Variants in DCC observed in about 807,000 individuals in gnomAD.
DCC encodes the protein DCC netrin 1 receptor.
In DCC, 58 loss-of-function variants were observed where a neutral mutation model predicts 172.5. The ratio of observed to expected loss-of-function variants is 0.34; its 90% CI spans 0.27 to 0.42. The LOEUF (loss-of-function observed/expected upper bound fraction) is 0.42, where lower values mean the gene tolerates loss of function less well. Among genes scored for constraint, DCC ranks in the 10% least tolerant of loss-of-function variants. The pLI is 1.00. For synonymous variants in DCC, 709 were observed against 644.5 expected (o/e 1.10, Z -1.52); for missense variants, 1,740 against 1,791.0 (o/e 0.97, Z 0.51).
chr18:52,468,468 A>G (rs1988851917), intron 1 of DCC, among the ~76,000 whole-genome samples: 1 of 152,192 alleles, frequency 6.6e-6, no homozygotes, highest in African/African-American at 2.4e-5. Context: ...TCTGAAATCA[A>G]TTTCATTGGC....
intron 12 of DCC, among the ~76,000 whole-genome samples, chr18:53,273,227 A>G (rs2056767933): frequency 6.6e-6 from 1 of 152,118 alleles, no homozygotes; most frequent in Non-Finnish European, 1.5e-5. Context: ...GCTCTTATGA[A>G]TAATAATCTT....
intron 27 of DCC, among the ~76,000 whole-genome samples, chr18:53,519,632 A>G (rs962782841): frequency 1.3e-5 from 2 of 151,834 alleles, no homozygotes; most frequent in African/African-American, 4.8e-5. Flanking sequence ...CACAGCTAGG[A>G]GCCATGGAAG....
chr18:53,090,779 A>C, intron 7 of DCC, among the ~76,000 whole-genome samples: 1 of 148,324 alleles, frequency 6.7e-6, no homozygotes, highest in Non-Finnish European at 1.5e-5. Context: ...TAAGCAGTTC[A>C]ATTGAGTTAC....
intron 2 of DCC, among the ~76,000 whole-genome samples, chr18:52,838,026 C>T (rs562601697): frequency 5.9e-5 from 9 of 152,110 alleles, no homozygotes; most frequent in East Asian, 1.9e-4. Context: ...CTCACTATCA[C>T]GAGAACAGGG....
chr18:52,460,247 A>C (rs1274025043), intron 1 of DCC, among the ~76,000 whole-genome samples: 1 of 152,154 alleles, frequency 6.6e-6, no homozygotes, highest in Non-Finnish European at 1.5e-5. Flanking sequence ...ATCTGTAGTC[A>C]GGCTTTGCCC....
intron 5 of DCC, among the ~76,000 whole-genome samples, chr18:53,062,030 A>C (rs2042502262): frequency 6.6e-6 from 1 of 152,124 alleles, no homozygotes; most frequent in Admixed American, 6.6e-5. Flanking sequence ...GTTTATTGTC[A>C]GTGAATTTGA....
intron 2 of DCC, among the ~76,000 whole-genome samples, chr18:52,779,498 G>T (rs1045841413): frequency 1.3e-5 from 2 of 152,046 alleles, no homozygotes; most frequent in African/African-American, 2.4e-5. Flanking sequence ...CTTTTTTATG[G>T]CTATATAGTA....
chr18:53,406,716 AGAAAGAAAGAAAAAAG>A (rs1909681974), intron 19 of DCC, among the ~76,000 whole-genome samples: 3 of 117,392 alleles, frequency 2.6e-5, no homozygotes, highest in African/African-American at 8.0e-5. Context: ...AAAAAAAAAA[AGAAAGAAAGAAAAAAG>A]AAAAAAAGTA....
chr18:53,256,621 A>G lies in DCC; in HGVS notation c.1911+41024A>G, dbSNP rs1272513819. On this transcript the variant is annotated intron_variant, in intron 12 of 28. Coordinates refer to ENST00000442544, the MANE Select transcript of DCC (RefSeq NM_005215.4). ...GCTGTTTTGGTTACTGTAGCCTTGT[A>G]GTATAGTTTGAAGTCAGGTAGCATG... is the stretch of plus-strand genomic sequence containing the variant. Among the ~76,000 whole-genome samples the G allele has an allele frequency of 1.1e-4, 17 of 152,194 alleles. 1 individual carries two copies. The highest frequency in any genetic ancestry group is 1.6e-4 in the Non-Finnish European group (11 of 68,002).
intron 3 of DCC, among the ~76,000 whole-genome samples, chr18:52,910,377 A>G (rs1039614350): frequency 4.6e-5 from 7 of 152,166 alleles, no homozygotes; most frequent in Non-Finnish European, 2.9e-5. Flanking sequence ...TATTTGTTTC[A>G]TTAAAGGTAG....
rs376134217 is a variant in DCC at position 52,621,955 on chromosome 18, T to C, written c.92-130099T>C. Among the ~76,000 whole-genome samples, 7 of 152,296 alleles carry C rather than the reference T, an allele frequency of 4.6e-5. No individual in the cohort carries two copies. The East Asian group carries it at 1.2e-3, about 25-fold the overall frequency. On this transcript the variant is annotated intron_variant, in intron 1 of 28. Transcript: ENST00000442544. ...GACTTAGAGTGAAATATACCTCATT[T>C]AGTATAAATTTACTTTCCAAGTTCT...
intron 1 of DCC, among the ~76,000 whole-genome samples, chr18:52,545,543 G>A (rs539877690): frequency 2.6e-5 from 4 of 152,182 alleles, no homozygotes; most frequent in African/African-American, 9.7e-5. Flanking sequence ...CACCATGAGG[G>A]GGATTGGTCC....
chr18:52,497,172 G>T (rs532986507), intron 1 of DCC, among the ~76,000 whole-genome samples: 56 of 149,594 alleles, frequency 3.7e-4, no homozygotes, highest in African/African-American at 1.3e-3. Flanking sequence ...GAGGCAGGAG[G>T]AGCTCTTGAG....
intron 1 of DCC, among the ~76,000 whole-genome samples, chr18:52,608,329 T>C (rs562151704): frequency 6.6e-6 from 1 of 152,308 alleles, no homozygotes; most frequent in Non-Finnish European, 1.5e-5. Flanking sequence ...TTGAAATCTT[T>C]ACATATAAAC....
chr18:53,310,513 C>T (rs952336383), intron 13 of DCC, among the ~76,000 whole-genome samples: 4 of 151,784 alleles, frequency 2.6e-5, no homozygotes, highest in African/African-American at 4.8e-5. Flanking sequence ...GAGACATCTG[C>T]AATAACAAAG....
At chr18:52,358,877 G>A (rs1311389573) in intron 1 of DCC, among the ~76,000 whole-genome samples, 5 of 152,200 alleles carry the variant, frequency 3.3e-5, no homozygotes, top group African/African-American at 1.2e-4. Flanking sequence ...CAATGCTTTA[G>A]AACGTTTCCA....
intron 12 of DCC, chr18:53,237,011 C>T (rs535229853): frequency 6.6e-6 from 1 of 151,886 alleles, no homozygotes; most frequent in East Asian, 1.9e-4. Flanking sequence ...GTATTAAGTA[C>T]TCTAATATGG....
intron 11 of DCC, among the ~76,000 whole-genome samples, chr18:53,208,657 C>G (rs1246273894): frequency 6.6e-6 from 1 of 152,156 alleles, no homozygotes; most frequent in Non-Finnish European, 1.5e-5. Flanking sequence ...CAAACACACA[C>G]ATTTGAGACA....
At position 52,572,144 on chromosome 18, in the gene DCC, C is replaced by T. The variant is rs138876968; in HGVS notation, c.92-179910C>T. On this transcript the variant is annotated intron_variant, in intron 1 of 28. Transcript: ENST00000442544. ...TTATGTGTGTCCTGTGGAGAAAATTCCATAGAAATAATTCGGGCTTTCTAG... is the reference window on the plus strand; with the variant it reads ...TTATGTGTGTCCTGTGGAGAAAATTTCATAGAAATAATTCGGGCTTTCTAG... 2.0e-5 allele frequency among the ~76,000 whole-genome samples: 3 copies of T among 152,182 alleles called. No individual in the cohort carries two copies. In the East Asian group the frequency reaches 5.8e-4, roughly 29 times the overall value.
Sources: allele counts gnomAD v4.1 joint callset (sites outside exome capture counted in the v4.1 genomes callset), GRCh38; gene constraint gnomAD v4.1.1; transcripts MANE v1.5; gene names NCBI Gene and HGNC (gene_info 2026-07-23, HGNC 2026-07-21).